The following DACT1 variants were observed in gnomAD, a reference collection of about 807,000 sequenced individuals.
The protein encoded by DACT1 is dapper homolog 1.
Under a neutral mutation model 35.3 loss-of-function variants are expected in DACT1, and 19 were observed. The observed-to-expected ratio is 0.54, with a 90% CI of 0.38 to 0.79. The LOEUF is 0.79. Among genes scored for constraint, DACT1 ranks in the 30% least tolerant of loss-of-function variants. The pLI, the probability that DACT1 is intolerant of heterozygous loss-of-function variation, is 0.00. For missense variants in DACT1, 1,143 were observed against 1,057.5 expected (o/e 1.08, Z -1.12); for synonymous variants, 545 against 466.7 (o/e 1.17, Z -2.16).
rs765280159 is a variant in DACT1, at chr14:58,641,789, C to T, written c.634+42C>T. ...CTGATAGAAATTTTTAATTGGAAGG[C>T]ATCAAGGGCCCTTAAAAGGTTATTT... On this transcript the variant is annotated intron_variant, in intron 3 of 3. Transcript: ENST00000395153. 81 of 1,594,168 alleles carry T rather than the reference C, an allele frequency of 5.1e-5. 1 individual carries two copies. In the East Asian group the frequency reaches 1.8e-3, roughly 35 times the overall value.
upstream of DACT1, among the ~76,000 whole-genome samples, chr14:58,635,096 A>C (rs2047565403): frequency 1.3e-5 from 2 of 152,192 alleles, no homozygotes; most frequent in South Asian, 4.1e-4. Flanking sequence ...GCTGAACAAC[A>C]TTAGAAAGGA....
Position 58,645,531 on chromosome 14 carries a change from G to A in DACT1, c.797G>A (p.Ser266Asn), listed in dbSNP as rs1019368076. ...REEDRLGNHA[S>N]DICGGSELDA... Reference sequence around the variant, plus strand: ...GAGGACAGGCTTGGAAACCATGCCAGTGACATTTGCGGTGGATCTGAGCTA... The same window carrying A: ...GAGGACAGGCTTGGAAACCATGCCAATGACATTTGCGGTGGATCTGAGCTA... The change falls in exon 4 of 4, where the codon AGT becomes AAT. Residue 266 changes from serine to asparagine, a missense_variant. Coordinates refer to ENST00000395153, the MANE Select transcript of DACT1 (RefSeq NM_001079520.2). 5 of 1,614,104 alleles carry A rather than the reference G, an allele frequency of 3.1e-6. No homozygotes were observed. The highest frequency in any genetic ancestry group is 4.2e-6 in the Non-Finnish European group (5 of 1,180,046).
Position 58,646,944 on chromosome 14 carries a change from G to A in DACT1, c.2210G>A (p.Ser737Asn). Residue 737 changes from serine (S) to asparagine (N), a missense_variant, in exon 4 of 4, where the codon AGC (serine) becomes AAC (asparagine). Physicochemically the swap from Ser to Asn is conservative, Grantham distance 46 (BLOSUM62 1). Coordinates refer to ENST00000395153, the MANE Select transcript of DACT1 (RefSeq NM_001079520.2). ...TTCGTGGGGGAGAGCACAACCACCA[G>A]CGACTCTGAAGAAAGCGGGGGCTTA... ...GEFVGESTTT[S>N]DSEESGGLIW... 1.2e-6 allele frequency: 2 copies of A among 1,614,196 alleles called. No individual in the cohort carries two copies. Among genetic ancestry groups the A allele is most frequent in the Non-Finnish European group, 1.7e-6 (2 of 1,180,042 alleles).
In DACT1 at chr14:58,646,583, G is replaced by T; in HGVS notation, c.1849G>T (p.Gly617Trp). 6.3e-7 allele frequency: 1 copy of T among 1,578,970 alleles called. No individual in the cohort carries two copies. The highest frequency in any genetic ancestry group is 8.6e-7 in the Non-Finnish European group (1 of 1,162,918). ...GCCCGCGGGCGGGGGCCACAGGGCGGGGAGCAGGGCGCATGGCCACGGACG... is the reference window on the plus strand; with the variant it reads ...GCCCGCGGGCGGGGGCCACAGGGCGTGGAGCAGGGCGCATGGCCACGGACG... ...GRPAGGGHRA[G>W]SRAHGHGREA... The change falls in exon 4 of 4, where the codon GGG becomes TGG. Residue 617 changes from glycine (G) to tryptophan (W), a missense_variant. Coordinates refer to ENST00000395153, the MANE Select transcript of DACT1 (RefSeq NM_001079520.2).
chr14:58,644,571 C>G (rs150088075), intron 3 of DACT1, among the ~76,000 whole-genome samples: 2 of 152,010 alleles, frequency 1.3e-5, no homozygotes, highest in Non-Finnish European at 2.9e-5. Context: ...AAACATAAGG[C>G]GATTATTATT....
upstream of DACT1, among the ~76,000 whole-genome samples, chr14:58,636,342 GTC>G (rs2047572375): frequency 6.6e-6 from 1 of 152,208 alleles, no homozygotes; most frequent in African/African-American, 2.4e-5. Context: ...ACATTCTCGA[GTC>G]TCTCTCTAGC....
At chr14:58,642,241 C>T (rs1186845004) in intron 3 of DACT1, among the ~76,000 whole-genome samples, 1 of 152,066 alleles carries the variant, frequency 6.6e-6, no homozygotes, top group Non-Finnish European at 1.5e-5. Flanking sequence ...AATCCTAGCA[C>T]TTTGGGAGGC....
In DACT1 at chr14:58,646,722, A is replaced by G. The variant is rs767493686; in HGVS notation, c.1988A>G (p.Glu663Gly). The change falls in exon 4 of 4, where the codon GAG (glutamate) becomes GGG (glycine). Residue 663 changes from glutamate (E) to glycine (G), a missense_variant. Glu to Gly is a moderately conservative substitution (Grantham distance 98). Around this residue, in one of 3 missense-constraint regions of DACT1, gnomAD observed 1,054 missense variants for 958.8 expected, o/e 1.10. Coordinates refer to ENST00000395153, the MANE Select transcript of DACT1 (RefSeq NM_001079520.2). The part of the protein sequence containing the change: ...ALRRARRGRR[E>G]NVGLYPAPVP... The stretch of plus-strand genomic sequence containing the variant: ...AGGAGGGCCCGGCGCGGTCGCCGGG[A>G]GAATGTGGGGCTGTACCCCGCGCCT... 3 of 1,613,380 alleles carry G rather than the reference A, an allele frequency of 1.9e-6. No individual in the cohort carries two copies. Among genetic ancestry groups the G allele is most frequent in the African/African-American group, 2.7e-5 (2 of 74,878 alleles).
rs1555330183 is a variant in DACT1, at chr14:58,647,173, T to C, written c.*39T>C. 11 of 1,587,848 alleles carry C rather than the reference T, an allele frequency of 6.9e-6. No individual in the cohort carries two copies. Among genetic ancestry groups the C allele is most frequent in the African/African-American group, 1.4e-5 (1 of 73,034 alleles). ...TGTAGAAAGTTTGTGTGTTTTTTTT[T>C]CTTCTCCCTAGTTGCCAAAATTAAA... On this transcript the variant is annotated 3_prime_UTR_variant, in exon 4 of 4. Transcript: ENST00000395153.
At position 58,638,466 on chromosome 14, in the gene DACT1, G is replaced by T; in HGVS notation, c.264G>T (p.Glu88Asp). ...GAGCCGCTGCGCCCCGCGCTGGGGAGCTACTGGGGGAGGCGGCGCAGCGCA... is the reference window on the plus strand; with the variant it reads ...GAGCCGCTGCGCCCCGCGCTGGGGATCTACTGGGGGAGGCGGCGCAGCGCA... ...GAGAAAPRAG[E>D]LLGEAAQRSR... is the part of the protein sequence containing the mutation. The change falls in exon 1 of 4, where the codon GAG becomes GAT. Residue 88 changes from glutamate (E) to aspartate (D), a missense_variant. Physicochemically the swap from Glu to Asp is conservative, Grantham distance 45 (BLOSUM62 2). Transcript: ENST00000395153. 7.4e-7 allele frequency: 1 copy of T among 1,359,142 alleles called. No homozygotes were observed. The allele number at this position is 1,359,142 out of a possible 1,614,324, so 84.2% of individuals were successfully genotyped here.
In DACT1 at chr14:58,647,478, G is replaced by A. The variant is rs2047705065; in HGVS notation, c.*344G>A. 1 of 294,714 alleles carries A rather than the reference G, an allele frequency of 3.4e-6. No individual in the cohort carries two copies. The highest frequency in any genetic ancestry group is 6.6e-6 in the Non-Finnish European group (1 of 150,724). 18.3% of individuals were successfully genotyped at this position (294,714 alleles called of 1,614,324 possible). A position where few individuals can be genotyped will look rare whatever the true frequency, so the allele number is the denominator to read the frequency against. On this transcript the variant is annotated 3_prime_UTR_variant, in exon 4 of 4. Transcript: ENST00000395153. ...TTGGGATAAGATCTTTTGATCCCAA[G>A]GTCAGGTGGATGGAATTTTTGGATT...
chr14:58,644,341 A>C (rs1049339897), intron 3 of DACT1, among the ~76,000 whole-genome samples: 1 of 152,198 alleles, frequency 6.6e-6, no homozygotes, highest in East Asian at 1.9e-4. Flanking sequence ...TAATACTACC[A>C]CTCAATCTTT....
In DACT1 at chr14:58,639,398, C is replaced by G. The variant is rs990806941; in HGVS notation, c.345+851C>G. ...TGACCCCGCCTCAGAATAATGGCGA[C>G]AGCTTTGTTTTCAGTGACCTTAAAA... On this transcript the variant is annotated intron_variant, in intron 1 of 3. Transcript: ENST00000395153. The G allele has an allele frequency of 1.9e-5, 9 of 462,658 alleles. No individual in the cohort carries two copies. In the Admixed American group the frequency reaches 3.8e-4, roughly 20 times the overall value. 28.7% of individuals were successfully genotyped at this position (462,658 alleles called of 1,614,324 possible). A position where few individuals can be genotyped will look rare whatever the true frequency, so the allele number is the denominator to read the frequency against.
At chr14:58,639,707 G>C (rs886452537) in intron 1 of DACT1, among the ~76,000 whole-genome samples, 12 of 152,240 alleles carry the variant, frequency 7.9e-5, no homozygotes, top group Admixed American at 7.8e-4. Flanking sequence ...CAAAAGACAA[G>C]AGGCGTAGAT....
At chr14:58,640,958 A>G (rs2047621402) in intron 2 of DACT1, 90 bp downstream of exon 2, 2 of 1,440,560 alleles carry the variant, frequency 1.4e-6, no homozygotes, top group Admixed American at 1.8e-5. Context: ...GCAAATGGCA[A>G]TGGAGTTTGT....
At position 58,645,868 on chromosome 14, in the gene DACT1, A is replaced by G; in HGVS notation, c.1134A>G (p.Pro378=). 6.2e-7 allele frequency: 1 copy of G among 1,614,248 alleles called. No homozygotes were observed. Among genetic ancestry groups the G allele is most frequent in the Non-Finnish European group, 8.5e-7 (1 of 1,180,046 alleles). Residue 378 remains proline, a synonymous_variant, in exon 4 of 4, where the codon CCA becomes CCG. Transcript: ENST00000395153. The stretch of plus-strand genomic sequence containing the variant: ...CTCTGAACAATGGGACATTCTCCCC[A>G]CCGAAGCAGTGGTCGAAAGAATCAA... ...IPSLNNGTFS[P]PKQWSKESKA... is the part of the protein sequence containing the mutation.
At chr14:58,635,556 G>A (rs961951279), upstream of DACT1, among the ~76,000 whole-genome samples, 7 of 152,100 alleles carry the variant, frequency 4.6e-5, no homozygotes, top group African/African-American at 1.7e-4. Flanking sequence ...TTTTATTGGC[G>A]GAACCATCTG....
chr14:58,638,680 C>G (rs1235567724), intron 1 of DACT1, 133 bp downstream of exon 1: 2 of 1,208,194 alleles, frequency 1.7e-6, no homozygotes, highest in South Asian at 8.6e-5. Flanking sequence ...CCCGACCGCC[C>G]CATACCTCCC....
At chr14:58,635,703 T>A (rs1379187339), upstream of DACT1, among the ~76,000 whole-genome samples, 1 of 62,354 alleles carries the variant, frequency 1.6e-5, no homozygotes, top group Admixed American at 1.8e-4. Flanking sequence ...GTTGGGAGGG[T>A]GGGGAGGTTT....
Sources: gnomAD v4.1 joint callset for allele counts (sites outside exome capture counted in the v4.1 genomes callset) on GRCh38, gnomAD v4.1.1 for gene constraint, gnomAD v4.1.1 regional missense constraint, MANE v1.5 for transcripts, NCBI Gene and HGNC (gene_info 2026-07-23, HGNC 2026-07-21) for gene names.